The following RSRC1 variants were observed in gnomAD, a reference collection of about 807,000 sequenced individuals.
RSRC1 encodes arginine and serine rich coiled-coil 1.
In RSRC1, 39 loss-of-function variants were observed where a neutral mutation model predicts 49.1. The observed-to-expected ratio is 0.79, with a 90% CI of 0.61 to 1.04. The LOEUF (loss-of-function observed/expected upper bound fraction) is 1.04. RSRC1 is among the 50% of genes least tolerant of loss of function. The pLI, the probability that RSRC1 is intolerant of heterozygous loss-of-function variation, is 0.00. For missense variants in RSRC1, 388 were observed against 402.4 expected, an observed-to-expected ratio of 0.96 and a Z score of 0.31; for synonymous variants, 143 against 130.8, an observed-to-expected ratio of 1.09 and a Z score of -0.63.
chr3:158,394,734 A>G (rs1302413806), intron 6 of RSRC1, among the ~76,000 whole-genome samples: 1 of 152,200 alleles, frequency 6.6e-6, no homozygotes, highest in East Asian at 1.9e-4. Context: ...GGATAGGAGG[A>G]ATCAATATAA....
Position 158,543,457 on chromosome 3 carries a change from C to T in RSRC1, c.882C>T (p.Tyr294=). 6 of 1,610,062 alleles carry T rather than the reference C, an allele frequency of 3.7e-6. No individual in the cohort carries two copies. The highest frequency in any genetic ancestry group is 5.1e-6 in the Non-Finnish European group (6 of 1,178,200). The change falls in exon 9 of 10, where the codon TAC becomes TAT. Residue 294 remains tyrosine (Y), a synonymous_variant. Coordinates refer to ENST00000611884, the MANE Select transcript of RSRC1 (RefSeq NM_001271838.2). ...CCAGCATCCCTACTGCTATCAAGTA[C>T]CAAGATGACAATTCCCTGGCCCATC... is the stretch of plus-strand genomic sequence containing the variant. ...DPTSIPTAIK[Y]QDDNSLAHPN...
At chr3:158,500,109 T>G (rs1457251726) in intron 7 of RSRC1, among the ~76,000 whole-genome samples, 1 of 152,256 alleles carries the variant, frequency 6.6e-6, no homozygotes. Flanking sequence ...TTTTTCTGCA[T>G]CTATTGAGAT....
rs1230995416 is a variant in RSRC1 at position 158,295,278 on chromosome 3, T to C, written c.495-2761T>C. On this transcript the variant is annotated intron_variant, in intron 4 of 9. Coordinates refer to ENST00000611884, the MANE Select transcript of RSRC1 (RefSeq NM_001271838.2). ...GCATTTTAGGTAGGGGTGAAAGTGGTTCATTGGTGAGTGAAACCAGGTTAG... is the reference window on the plus strand; with the variant it reads ...GCATTTTAGGTAGGGGTGAAAGTGGCTCATTGGTGAGTGAAACCAGGTTAG... Among the ~76,000 whole-genome samples, 4 of 151,966 alleles carry C rather than the reference T, an allele frequency of 2.6e-5. No individual in the cohort carries two copies. The South Asian group carries it at 6.2e-4, about 24-fold the overall frequency.
chr3:158,121,998 C>T (rs1357450218), intron 1 of RSRC1, 105 bp from the exon 2 acceptor site: 3 of 613,752 alleles, frequency 4.9e-6, no homozygotes, highest in East Asian at 6.9e-5. Flanking sequence ...GAGGGAGACC[C>T]CATCTCTAAA....
At chr3:158,295,018 A>G (rs996351015) in intron 4 of RSRC1, among the ~76,000 whole-genome samples, 37 of 152,190 alleles carry the variant, frequency 2.4e-4, no homozygotes, top group African/African-American at 8.4e-4. Context: ...CATATCGCCA[A>G]GGAGTTTTCA....
intron 3 of RSRC1, among the ~76,000 whole-genome samples, chr3:158,200,176 T>C (rs1559940190): frequency 1.3e-5 from 2 of 152,120 alleles, no homozygotes; most frequent in African/African-American, 4.8e-5. Flanking sequence ...TAGCTGGGAC[T>C]ACAGGCATCC....
chr3:158,299,674 A>G (rs540635839), intron 5 of RSRC1, among the ~76,000 whole-genome samples: 2 of 152,304 alleles, frequency 1.3e-5, no homozygotes, highest in East Asian at 3.9e-4. Context: ...TATTTATTAA[A>G]AATACTTTAT....
chr3:158,329,586 G>A (rs918785823), intron 5 of RSRC1, among the ~76,000 whole-genome samples: 1 of 152,178 alleles, frequency 6.6e-6, no homozygotes, highest in African/African-American at 2.4e-5. Context: ...CTGCTTGATC[G>A]TTCCTCTGGA....
chr3:158,331,296 A>G (rs1729531583), intron 5 of RSRC1, among the ~76,000 whole-genome samples: 1 of 152,240 alleles, frequency 6.6e-6, no homozygotes, highest in African/African-American at 2.4e-5. Context: ...GAGAAATTTG[A>G]GGAGAGAGCT....
At chr3:158,209,895 GAT>G (rs925262788) in intron 4 of RSRC1, among the ~76,000 whole-genome samples, 2 of 152,090 alleles carry the variant, frequency 1.3e-5, no homozygotes, top group African/African-American at 4.8e-5. Context: ...ATACTTTATA[GAT>G]ATATGTTAGT....
At chr3:158,543,672 G>A in intron 9 of RSRC1, 185 bp downstream of exon 9, 2 of 510,338 alleles carry the variant, frequency 3.9e-6, no homozygotes, top group Non-Finnish European at 6.7e-6. Context: ...ATACAGTAGG[G>A]TCCAACTCAT....
intron 5 of RSRC1, among the ~76,000 whole-genome samples, chr3:158,298,618 A>G (rs1273648356): frequency 6.6e-6 from 1 of 152,116 alleles, no homozygotes; most frequent in Non-Finnish European, 1.5e-5. Context: ...GTGAAATTCA[A>G]ACTGATTTAG....
intron 6 of RSRC1, among the ~76,000 whole-genome samples, chr3:158,431,086 C>A (rs1485968879): frequency 1.3e-5 from 2 of 151,796 alleles, no homozygotes; most frequent in Non-Finnish European, 2.9e-5. Context: ...ACCACAAAAC[C>A]CTTTTAGCAC....
intron 3 of RSRC1, among the ~76,000 whole-genome samples, chr3:158,177,963 A>G (rs990459637): frequency 2.0e-5 from 3 of 152,090 alleles, no homozygotes; most frequent in African/African-American, 7.2e-5. Flanking sequence ...AAAATTTTCT[A>G]TTTTTATGTG....
At chr3:158,512,047 A>G (rs1331617904) in intron 7 of RSRC1, among the ~76,000 whole-genome samples, 7 of 142,818 alleles carry the variant, frequency 4.9e-5, no homozygotes, top group Non-Finnish European at 1.1e-4. Flanking sequence ...AGGTTGCGAA[A>G]ATTTTCTCCC....
At chr3:158,418,492 C>A (rs1393579551) in intron 6 of RSRC1, among the ~76,000 whole-genome samples, 2 of 151,884 alleles carry the variant, frequency 1.3e-5, no homozygotes, top group Non-Finnish European at 1.5e-5. Context: ...GATTGATACT[C>A]TACATGATTG....
At chr3:158,487,108 A>G (rs1330044920) in intron 7 of RSRC1, among the ~76,000 whole-genome samples, 1 of 152,158 alleles carries the variant, frequency 6.6e-6, no homozygotes, top group Non-Finnish European at 1.5e-5. Flanking sequence ...AAAGTTTCTC[A>G]GCTGATTCTT....
intron 7 of RSRC1, among the ~76,000 whole-genome samples, chr3:158,498,540 G>A (rs993449323): frequency 6.6e-6 from 1 of 152,090 alleles, no homozygotes; most frequent in Non-Finnish European, 1.5e-5. Flanking sequence ...TCTTCTGACT[G>A]TTCCTTTTGC....
At chr3:158,244,195 GT>G (rs1186494704) in intron 4 of RSRC1, among the ~76,000 whole-genome samples, 1 of 152,086 alleles carries the variant, frequency 6.6e-6, no homozygotes. Context: ...GCATCGTCTT[GT>G]GCCAGTTTTC....
Sources: allele counts gnomAD v4.1 joint callset (sites outside exome capture counted in the v4.1 genomes callset), GRCh38; gene constraint gnomAD v4.1.1; transcripts MANE v1.5; gene names NCBI Gene and HGNC (gene_info 2026-07-23, HGNC 2026-07-21).